The following GRIN2B variants were observed in gnomAD, a reference collection of about 807,000 sequenced individuals.
The protein encoded by GRIN2B is glutamate receptor ionotropic, NMDA 2B.
GRIN2B carries 5 observed loss-of-function variants against 114.5 expected under a neutral mutation model. That is an observed-to-expected ratio of 0.04 (90% CI 0.02 to 0.09). The LOEUF is 0.09. Among genes scored for constraint, GRIN2B ranks in the 10% least tolerant of loss-of-function variants. The pLI, the probability that GRIN2B is intolerant of heterozygous loss-of-function variation, is 1.00. For synonymous variants in GRIN2B, 787 were observed against 745.1 expected (o/e 1.06, Z -0.92); for missense variants, 1,108 against 1,943.5 (o/e 0.57, Z 8.08).
chr12:13,981,641 A>C (rs1197799406), upstream of GRIN2B: 5 of 133,158 alleles, frequency 3.8e-5, no homozygotes, highest in African/African-American at 1.1e-4. Context: ...TCCTTTCTCA[A>C]AAAGAGGTGG....
Position 13,712,957 on chromosome 12 carries a change from G to A in GRIN2B, c.1011-37098C>T, listed in dbSNP as rs562653060. 5.9e-5 allele frequency among the ~76,000 whole-genome samples: 9 copies of A among 151,716 alleles called. No homozygotes were observed. In the South Asian group the frequency reaches 1.7e-3, roughly 28 times the overall value. ...TTAGTTCACTTCAATAAATATTACC[G>A]AGCATAACTATATACAACGCAAGGT... On this transcript the variant is annotated intron_variant, in intron 4 of 13. Coordinates refer to ENST00000609686, the MANE Select transcript of GRIN2B (RefSeq NM_000834.5).
At chr12:13,769,996 C>T (rs1484959679) in intron 3 of GRIN2B, among the ~76,000 whole-genome samples, 1 of 152,196 alleles carries the variant, frequency 6.6e-6, no homozygotes, top group East Asian at 1.9e-4. Context: ...GTTTGAGTTT[C>T]TGCTCATCTT....
chr12:13,914,226 A>T (rs1186077191), intron 2 of GRIN2B, among the ~76,000 whole-genome samples: 1 of 150,732 alleles, frequency 6.6e-6, no homozygotes, highest in Non-Finnish European at 1.5e-5. Context: ...CCTCCTCCCC[A>T]CTCCTCCCCA....
chr12:13,786,371 A>ATT (rs974827386), intron 3 of GRIN2B, among the ~76,000 whole-genome samples: 1 of 152,158 alleles, frequency 6.6e-6, no homozygotes, highest in Admixed American at 6.5e-5. Flanking sequence ...ATTGTATTCA[A>ATT]TTTTGCTGGG....
intron 4 of GRIN2B, among the ~76,000 whole-genome samples, chr12:13,680,687 G>T (rs1591673053): frequency 6.6e-6 from 1 of 152,186 alleles, no homozygotes; most frequent in South Asian, 2.1e-4. Flanking sequence ...AAGGTGACCT[G>T]CCTGTTCAGG....
intron 2 of GRIN2B, among the ~76,000 whole-genome samples, chr12:13,939,543 C>CTTT (rs59671145): frequency 0.23 from 20,106 of 87,896 alleles, 2,059 homozygotes; most frequent in Middle Eastern, 0.3. Flanking sequence ...CTGCACCGTG[C>CTTT]TTTTTTTTTT....
At chr12:13,674,913 C>T (rs1057298043) in intron 5 of GRIN2B, among the ~76,000 whole-genome samples, 28 of 152,110 alleles carry the variant, frequency 1.8e-4, no homozygotes, top group Admixed American at 3.9e-4. Context: ...CATCTCCCAA[C>T]CTTATGTATC....
Position 13,642,199 on chromosome 12 carries a change from A to G in GRIN2B, c.1126-25542T>C, listed in dbSNP as rs931173373. On this transcript the variant is annotated intron_variant, in intron 5 of 13. Transcript: ENST00000609686. The stretch of plus-strand genomic sequence containing the variant: ...GTGAGACTCTGTCTCAAAACAAACA[A>G]ACAAACAAACAAACAAACAAACAAG... Among the ~76,000 whole-genome samples, 1,176 of 133,416 alleles carry G rather than the reference A, an allele frequency of 8.8e-3. 13 individuals are homozygous for G. Among genetic ancestry groups the G allele is most frequent in the African/African-American group, 0.032 (1,101 of 34,704 alleles). The allele number at this position is 133,416 out of a possible 152,430, so 87.5% of individuals were successfully genotyped here.
chr12:13,834,197 A>ATTTTTTTTTTTTTTTTTTTTTTT (rs756189402), intron 3 of GRIN2B, among the ~76,000 whole-genome samples: 35 of 111,492 alleles, frequency 3.1e-4, no homozygotes, highest in African/African-American at 8.7e-4. Flanking sequence ...CGCCTGGCTA[A>ATTTTTTTTTTTTTTTTTTTTTTT]TTTTTTTTTT....
intron 2 of GRIN2B, among the ~76,000 whole-genome samples, chr12:13,915,117 G>A (rs1866691543): frequency 6.6e-6 from 1 of 152,096 alleles, no homozygotes; most frequent in Admixed American, 6.5e-5. Context: ...CACTTACTCG[G>A]ATTTTATCTT....
At chr12:13,899,117 T>C (rs1866402035) in intron 2 of GRIN2B, among the ~76,000 whole-genome samples, 1 of 152,154 alleles carries the variant, frequency 6.6e-6, no homozygotes, top group Non-Finnish European at 1.5e-5. Context: ...ATTTAGAACC[T>C]AACACTGTCT....
intron 4 of GRIN2B, among the ~76,000 whole-genome samples, chr12:13,713,978 T>G (rs560360000): frequency 6.6e-6 from 1 of 152,002 alleles, no homozygotes; most frequent in African/African-American, 2.4e-5. Flanking sequence ...AGTTTCTGTT[T>G]AGCATAGACA....
chr12:13,565,600 A>C (rs893122037), intron 13 of GRIN2B, among the ~76,000 whole-genome samples: 1 of 152,114 alleles, frequency 6.6e-6, no homozygotes, highest in African/African-American at 2.4e-5. Context: ...TCCTTCTCAC[A>C]TCTTGTTCCC....
chr12:13,973,546 C>T (rs980717159), intron 2 of GRIN2B, among the ~76,000 whole-genome samples: 21 of 152,160 alleles, frequency 1.4e-4, no homozygotes, highest in Non-Finnish European at 1.3e-4. Flanking sequence ...TCACAGAGAG[C>T]TGGCCCTGCT....
intron 2 of GRIN2B, among the ~76,000 whole-genome samples, chr12:13,876,570 G>A (rs899355586): frequency 6.6e-6 from 1 of 152,152 alleles, no homozygotes; most frequent in African/African-American, 2.4e-5. Context: ...ATCCCAGGGA[G>A]AGCCAGCACC....
chr12:13,717,515 G>A (rs895761071), intron 4 of GRIN2B, among the ~76,000 whole-genome samples: 22 of 151,882 alleles, frequency 1.4e-4, no homozygotes, highest in African/African-American at 5.1e-4. Context: ...TAATCTTTGT[G>A]AATGTGCCTA....
intron 2 of GRIN2B, among the ~76,000 whole-genome samples, chr12:13,962,196 G>C (rs776809147): frequency 2.0e-5 from 3 of 151,616 alleles, no homozygotes; most frequent in Non-Finnish European, 2.9e-5. Flanking sequence ...TCTTCTTCCA[G>C]CTGCATCTGG....
intron 4 of GRIN2B, among the ~76,000 whole-genome samples, chr12:13,712,801 T>C (rs1950425916): frequency 6.6e-6 from 1 of 151,906 alleles, no homozygotes; most frequent in Admixed American, 6.6e-5. Flanking sequence ...AACCCTAAGT[T>C]AATATGGTCA....
At chr12:13,829,951 G>A (rs1865117355) in intron 3 of GRIN2B, among the ~76,000 whole-genome samples, 1 of 152,178 alleles carries the variant, frequency 6.6e-6, no homozygotes, top group Admixed American at 6.5e-5. Context: ...GAGCTGGCAG[G>A]TAAGGCAGTA....
Sources: allele counts gnomAD v4.1 joint callset (sites outside exome capture counted in the v4.1 genomes callset), GRCh38; gene constraint gnomAD v4.1.1; transcripts MANE v1.5; gene names NCBI Gene and HGNC (gene_info 2026-07-23, HGNC 2026-07-21).